ZNF274: variants seen among roughly 807,000 people sequenced by gnomAD.
ZNF274 encodes zinc finger protein 274, also known as neurotrophin receptor-interacting factor homolog.
In ZNF274, 23 loss-of-function variants were observed where a neutral mutation model predicts 42.5. The ratio of observed to expected loss-of-function variants is 0.54; its 90% CI spans 0.39 to 0.77. The LOEUF (loss-of-function observed/expected upper bound fraction) is 0.77, where lower values mean the gene tolerates loss of function less well. Among genes scored for constraint, ZNF274 ranks in the 30% least tolerant of loss-of-function variants. The pLI, the probability that ZNF274 is intolerant of heterozygous loss-of-function variation, is 0.00. For synonymous variants in ZNF274, 292 were observed against 305.4 expected (o/e 0.96, Z 0.46); for missense variants, 679 against 806.5 (o/e 0.84, Z 1.91).
At position 58,211,516 on chromosome 19, in the gene ZNF274, C is replaced by G; in HGVS notation, c.853-44C>G. 1 of 1,583,230 alleles carries G rather than the reference C, an allele frequency of 6.3e-7. No homozygotes were observed. Among genetic ancestry groups the G allele is most frequent in the South Asian group, 1.2e-5 (1 of 86,838 alleles). ...CTTTCTTCTGCCCTCATTGACAACC[C>G]TCTGACCCTCTTGCTGAGCATAGAC... On this transcript the variant is annotated intron_variant, in intron 6 of 7. Transcript: ENST00000617501. This position sits in a 1 kb window ranked among gnomAD's most constrained non-coding sequence, Gnocchi z 4.8.
intron 5 of ZNF274, 179 bp from the exon 6 acceptor site, chr19:58,209,782 C>G: frequency 1.9e-6 from 1 of 538,956 alleles, no homozygotes; most frequent in Non-Finnish European, 3.3e-6. Context: ...TGTGGGCACT[C>G]GGGCACGTGC....
At chr19:58,191,434 G>T (rs2075778062) in intron 4 of ZNF274, among the ~76,000 whole-genome samples, 1 of 152,190 alleles carries the variant, frequency 6.6e-6, no homozygotes, top group Admixed American at 6.5e-5. Flanking sequence ...ACTGCCCCCG[G>T]CCCAGCCTCC....
chr19:58,211,664 C>T lies in ZNF274; in HGVS notation c.957C>T (p.Thr319=). The change falls in exon 7 of 8, where the codon ACC becomes ACT. Residue 319 remains threonine, a synonymous_variant. Coordinates refer to ENST00000617501, the MANE Select transcript of ZNF274 (RefSeq NM_133502.3). This position sits in a 1 kb window ranked among gnomAD's most constrained non-coding sequence, Gnocchi z 4.8. ...AGTACCGCGATGTGATGCTGGAGAC[C>T]TTTGGGCACCTGGTCTCTGTGGGTA... ...RTEYRDVMLE[T]FGHLVSVGWE... The T allele has an allele frequency of 6.2e-7, 1 of 1,613,464 alleles. No homozygotes were observed. The highest frequency in any genetic ancestry group is 8.5e-7 in the Non-Finnish European group (1 of 1,179,564).
chr19:58,201,795 A>C (rs2075915108), intron 4 of ZNF274, among the ~76,000 whole-genome samples: 1 of 152,108 alleles, frequency 6.6e-6, no homozygotes, highest in African/African-American at 2.4e-5. Flanking sequence ...GATTACAGGC[A>C]TGAGTCACCG....
At chr19:58,200,722 C>T (rs1344861862) in intron 4 of ZNF274, among the ~76,000 whole-genome samples, 1 of 152,156 alleles carries the variant, frequency 6.6e-6, no homozygotes, top group Non-Finnish European at 1.5e-5. Flanking sequence ...CCTTTAGCGT[C>T]AAGGACATGA....
At chr19:58,187,132 TACC>T in intron 4 of ZNF274, 90 bp downstream of exon 4, 1 of 1,135,248 alleles carries the variant, frequency 8.8e-7, no homozygotes, top group South Asian at 1.4e-5. Context: ...GACATTGGGA[TACC>T]CCAGGTGGGA....
intron 4 of ZNF274, among the ~76,000 whole-genome samples, chr19:58,199,493 A>G (rs1431788155): frequency 5.9e-5 from 9 of 152,108 alleles, no homozygotes; most frequent in Non-Finnish European, 8.8e-5. Flanking sequence ...GGCCAAGGTG[A>G]ATGGATCACT....
At chr19:58,194,003 C>T (rs2075809184) in intron 4 of ZNF274, among the ~76,000 whole-genome samples, 1 of 152,102 alleles carries the variant, frequency 6.6e-6, no homozygotes, top group African/African-American at 2.4e-5. Context: ...TGGCTCACAC[C>T]TGTAATCCCA....
At chr19:58,203,177 G>A (rs2075935568) in intron 4 of ZNF274, among the ~76,000 whole-genome samples, 1 of 152,152 alleles carries the variant, frequency 6.6e-6, no homozygotes, top group Admixed American at 6.5e-5. Flanking sequence ...CCCCCCCCAG[G>A]AAGTACAGAT....
In ZNF274 at chr19:58,201,880, T is replaced by A. The variant is rs76267724; in HGVS notation, c.257-4840T>A. 2.1e-3 allele frequency among the ~76,000 whole-genome samples: 318 copies of A among 152,282 alleles called. 2 individuals are homozygous for A. Among genetic ancestry groups the A allele is most frequent in the African/African-American group, 7.5e-3 (313 of 41,550 alleles). ...GTGGGCAGCCTTCGTGAAATGATGGTACTGTCATTGATTCAAAAACTGAGT... is the reference window on the plus strand; with the variant it reads ...GTGGGCAGCCTTCGTGAAATGATGGAACTGTCATTGATTCAAAAACTGAGT... On this transcript the variant is annotated intron_variant, in intron 4 of 7. Transcript: ENST00000617501.
chr19:58,207,484 A>G lies in ZNF274; in HGVS notation c.739+282A>G, dbSNP rs193264005. ...TGCACCATAAGCCCTGTAGCACTTG[A>G]TAAGATAGATGGGAATACTGAGCTC... On this transcript the variant is annotated intron_variant, in intron 5 of 7. Transcript: ENST00000617501. The surrounding 1 kb of genome is among the most constrained non-coding windows in gnomAD (Gnocchi z 5.6). 1.0e-3 allele frequency among the ~76,000 whole-genome samples: 153 copies of G among 152,296 alleles called. No individual in the cohort carries two copies. The highest frequency in any genetic ancestry group is 3.7e-3 in the African/African-American group (153 of 41,552).
Position 58,209,961 on chromosome 19 carries a change from T to C in ZNF274, c.740T>C (p.Val247Ala). Residue 247 changes from valine (V) to alanine (A), a missense_variant and splice_region_variant, in exon 6 of 8, where the codon GTA (valine) becomes GCA (alanine). Physicochemically the swap from Val to Ala is moderately conservative, Grantham distance 64. Coordinates refer to ENST00000617501, the MANE Select transcript of ZNF274 (RefSeq NM_133502.3). Reference protein sequence around the residue: ...EGVTWMSEEEVLPAGQPAEGT... With the variant: ...EGVTWMSEEEALPAGQPAEGT... The stretch of plus-strand genomic sequence containing the variant: ...TCCTCTGGCTGGTGTCTCCTCCCAG[T>C]ACTTCCTGCAGGACAACCTGCCGAG... 1 of 1,610,872 alleles carries C rather than the reference T, an allele frequency of 6.2e-7. No homozygotes were observed. Among genetic ancestry groups the C allele is most frequent in the Non-Finnish European group, 8.5e-7 (1 of 1,178,688 alleles).
rs760860383 is a variant in ZNF274, at chr19:58,211,735, G to A, written c.979+49G>A. On this transcript the variant is annotated intron_variant, in intron 7 of 7. Coordinates refer to ENST00000617501, the MANE Select transcript of ZNF274 (RefSeq NM_133502.3). This position sits in a 1 kb window ranked among gnomAD's most constrained non-coding sequence, Gnocchi z 4.8. ...CCACCTCAGGGCTGGTAGGCCACAG[G>A]AGCCCCAAGTCAGGGGTGTTCACCT... 2 of 1,574,852 alleles carry A rather than the reference G, an allele frequency of 1.3e-6. No individual in the cohort carries two copies. Among genetic ancestry groups the A allele is most frequent in the Non-Finnish European group, 1.7e-6 (2 of 1,157,748 alleles).
chr19:58,207,435 T>A lies in ZNF274; in HGVS notation c.739+233T>A, dbSNP rs767529396. Among the ~76,000 whole-genome samples the A allele has an allele frequency of 6.6e-6, 1 of 152,160 alleles. No homozygotes were observed. Among genetic ancestry groups the A allele is most frequent in the Admixed American group, 6.5e-5 (1 of 15,286 alleles). On this transcript the variant is annotated intron_variant, in intron 5 of 7. Coordinates refer to ENST00000617501, the MANE Select transcript of ZNF274 (RefSeq NM_133502.3). The surrounding 1 kb of genome is among the most constrained non-coding windows in gnomAD (Gnocchi z 5.6). ...GGAAGCACACAGATGAAGTGCTTCA[T>A]TTTTATCCCTCTGGCATCCCTGCTG...
chr19:58,186,880 T>A, intron 3 of ZNF274, 67 bp from the exon 4 acceptor site: 1 of 1,387,998 alleles, frequency 7.2e-7, no homozygotes, highest in Non-Finnish European at 1.0e-6. Context: ...CGGCTTGTGC[T>A]GCAGTAGGAT....
intron 4 of ZNF274, chr19:58,202,157 T>G (rs1400991806): frequency 1.3e-5 from 2 of 152,260 alleles, no homozygotes; most frequent in Non-Finnish European, 1.5e-5. Flanking sequence ...CTTCTGACTT[T>G]TCCCCCACAA....
chr19:58,213,114 A>C lies in ZNF274; in HGVS notation c.1933A>C (p.Lys645Gln). 1 of 1,611,116 alleles carries C rather than the reference A, an allele frequency of 6.2e-7. No homozygotes were observed. The highest frequency in any genetic ancestry group is 1.7e-5 in the Admixed American group (1 of 59,530). ...GCACCAGAGAACCCACAATAGGACA[A>C]AGCGAAAGAAGAAACAGCCTACCTC... ...IGHQRTHNRT[K>Q]RKKKQPTS Residue 645 changes from lysine (K) to glutamine (Q), a missense_variant, in exon 8 of 8, where the codon AAG becomes CAG. Transcript: ENST00000617501.
In ZNF274 at chr19:58,183,270, C is replaced by G. The variant is rs1460136660; in HGVS notation, c.-218C>G. On this transcript the variant is annotated 5_prime_UTR_variant, in exon 1 of 8. Coordinates refer to ENST00000617501, the MANE Select transcript of ZNF274 (RefSeq NM_133502.3). ...CCGCCGAGGGACATCGACGAGTATC[C>G]TCCTCCTGCTGTCCCCGGCTTCGCC... 6.6e-6 allele frequency: 1 copy of G among 152,386 alleles called. No individual in the cohort carries two copies. Among genetic ancestry groups the G allele is most frequent in the African/African-American group, 2.4e-5 (1 of 41,484 alleles). 9.4% of individuals were successfully genotyped at this position (152,386 alleles called of 1,614,324 possible).
At chr19:58,188,206 A>C (rs977548770) in intron 4 of ZNF274, among the ~76,000 whole-genome samples, 5 of 152,002 alleles carry the variant, frequency 3.3e-5, no homozygotes, top group Admixed American at 1.3e-4. Flanking sequence ...TAAACTAAAA[A>C]TCTGGTAGTG....
Sources: allele counts gnomAD v4.1 joint callset (sites outside exome capture counted in the v4.1 genomes callset), GRCh38; gene constraint gnomAD v4.1.1; non-coding constraint Gnocchi (gnomAD v3.1); transcripts MANE v1.5; gene names NCBI Gene and HGNC (gene_info 2026-07-23, HGNC 2026-07-21).